The following LRP5 variants were observed in gnomAD, a reference collection of about 807,000 sequenced individuals.
The protein encoded by LRP5 is LDL receptor related protein 5.
Under a neutral mutation model 154.1 loss-of-function variants are expected in LRP5, and 62 were observed. That is an observed-to-expected ratio of 0.40 (90% CI 0.33 to 0.50). LRP5 has a LOEUF of 0.50. LRP5 is among the 20% of genes least tolerant of loss of function. LRP5 has a pLI of 0.55. For synonymous variants in LRP5, 966 were observed against 1,011.5 expected (o/e 0.96, Z 0.85); for missense variants, 1,915 against 2,336.7 (o/e 0.82, Z 3.72).
intron 3 of LRP5, among the ~76,000 whole-genome samples, chr11:68,359,445 T>C (rs1248301231): frequency 6.6e-6 from 1 of 152,182 alleles, no homozygotes; most frequent in East Asian, 1.9e-4. Context: ...AGCTGAGTGA[T>C]CTTACAGTTA....
At chr11:68,445,602 G>A (rs1200168585) in intron 21 of LRP5, 8 of 1,317,322 alleles carry the variant, frequency 6.1e-6, no homozygotes, top group Middle Eastern at 2.1e-4. Context: ...TGCTTTCCAG[G>A]ATGGCCTTGG....
rs1186922049 is a variant in LRP5 at position 68,423,909 on chromosome 11, T to A, written c.3236+212T>A. On this transcript the variant is annotated intron_variant, in intron 14 of 22. Transcript: ENST00000294304. The surrounding 1 kb of genome is among the most constrained non-coding windows in gnomAD (Gnocchi z 4.7). ...AGGGCTGGAAGGGAAGGGGGAGCTC[T>A]GCTGAGAGGTTACAAGGCAGCGCTG... Among the ~76,000 whole-genome samples, 1 of 152,236 alleles carries A rather than the reference T, an allele frequency of 6.6e-6. No individual in the cohort carries two copies. The highest frequency in any genetic ancestry group is 6.5e-5 in the Admixed American group (1 of 15,282).
At chr11:68,304,765 T>C in the LRP5 span, among the ~76,000 whole-genome samples, 3 of 152,266 alleles carry the variant, frequency 2.0e-5, no homozygotes, top group South Asian at 2.1e-4. Context: ...TAAGATTGAA[T>C]GATTGCTCTG....
At chr11:68,403,785 T>G (rs1412050707) in intron 8 of LRP5, 86 bp downstream of exon 8, 3 of 1,542,620 alleles carry the variant, frequency 1.9e-6, no homozygotes, top group Non-Finnish European at 1.8e-6. Flanking sequence ...GGCATAAGTG[T>G]TGAGCTCAGG....
upstream of LRP5, among the ~76,000 whole-genome samples, chr11:68,310,023 G>A (rs1375945888): frequency 6.6e-6 from 1 of 152,186 alleles, no homozygotes; most frequent in East Asian, 1.9e-4. Flanking sequence ...AACACATCAG[G>A]GAATAAAACT....
At chr11:68,315,107 G>A (rs2098592228) in intron 1 of LRP5, among the ~76,000 whole-genome samples, 1 of 152,128 alleles carries the variant, frequency 6.6e-6, no homozygotes, top group Non-Finnish European at 1.5e-5. Flanking sequence ...GGAGGGGTTT[G>A]GGGTCAGACC....
chr11:68,306,526 T>G, the LRP5 span, among the ~76,000 whole-genome samples: 6 of 152,332 alleles, frequency 3.9e-5, no homozygotes, highest in Admixed American at 2.0e-4. Context: ...GATCTCTAAC[T>G]TAATGACACC....
At chr11:68,399,948 G>T (rs150067916) in intron 7 of LRP5, among the ~76,000 whole-genome samples, 2 of 152,366 alleles carry the variant, frequency 1.3e-5, no homozygotes, top group Admixed American at 6.5e-5. Flanking sequence ...GGTGCCCTGG[G>T]ATTCTGCGAT....
At chr11:68,299,101 C>T in the LRP5 span, among the ~76,000 whole-genome samples, 2 of 152,246 alleles carry the variant, frequency 1.3e-5, no homozygotes, top group African/African-American at 4.8e-5. Context: ...CCAGCTGCCC[C>T]TGGTCCCAGA....
In LRP5 at chr11:68,438,583, G is replaced by A; in HGVS notation, c.4249G>A (p.Gly1417Arg). The A allele has an allele frequency of 6.2e-7, 1 of 1,614,042 alleles. No individual in the cohort carries two copies. Among genetic ancestry groups the A allele is most frequent in the Non-Finnish European group, 8.5e-7 (1 of 1,180,000 alleles). ...CQRVVCQRYA[G>R]ANGPFPHEYV... ...GCGCGTGGTGTGCCAGCGCTATGCG[G>A]GGGCCAACGGGCCCTTCCCGCACGA... Residue 1417 changes from glycine to arginine, a missense_variant, in exon 20 of 23, where the codon GGG becomes AGG. Around this residue, in one of 3 missense-constraint regions of LRP5, gnomAD observed 1,094 missense variants for 1,210.1 expected, o/e 0.90. Transcript: ENST00000294304.
intron 12 of LRP5, among the ~76,000 whole-genome samples, chr11:68,415,599 G>C (rs1332902061): frequency 6.8e-6 from 1 of 146,694 alleles, no homozygotes; most frequent in Admixed American, 6.9e-5. Flanking sequence ...TACAAAATTA[G>C]CCGGGCATGG....
At chr11:68,406,859 C>G (rs1358841751) in intron 9 of LRP5, 46 bp downstream of exon 9, 2 of 1,597,822 alleles carry the variant, frequency 1.3e-6, no homozygotes, top group Non-Finnish European at 1.7e-6. Flanking sequence ...TATGGGAAAA[C>G]CTTGCCTCTG....
At chr11:68,362,891 C>G (rs1395239067) in intron 3 of LRP5, among the ~76,000 whole-genome samples, 1 of 151,826 alleles carries the variant, frequency 6.6e-6, no homozygotes, top group Admixed American at 6.6e-5. Context: ...GGACCCTCTG[C>G]CCCCAGGCCC....
intron 1 of LRP5, among the ~76,000 whole-genome samples, chr11:68,341,201 A>G (rs2098608939): frequency 6.6e-6 from 1 of 151,280 alleles, no homozygotes; most frequent in African/African-American, 2.4e-5. Flanking sequence ...TTTTATGTTC[A>G]TGATGCGGCA....
At chr11:68,313,900 A>C (rs2098590884) in intron 1 of LRP5, among the ~76,000 whole-genome samples, 1 of 152,174 alleles carries the variant, frequency 6.6e-6, no homozygotes, top group Non-Finnish European at 1.5e-5. Context: ...CAGATCCCCC[A>C]GGCTGCAGCC....
the LRP5 span, among the ~76,000 whole-genome samples, chr11:68,305,406 C>T: frequency 2.0e-5 from 3 of 151,914 alleles, no homozygotes; most frequent in Admixed American, 2.0e-4. Flanking sequence ...CCAGTTAACC[C>T]CTTTCTTTAT....
At chr11:68,404,094 C>T in intron 8 of LRP5, 2 of 429,516 alleles carry the variant, frequency 4.7e-6, no homozygotes, top group East Asian at 4.4e-5. Context: ...CCTGGGTCTG[C>T]CTGGGCTGGG....
intron 1 of LRP5, among the ~76,000 whole-genome samples, chr11:68,314,366 G>T (rs2098591364): frequency 6.6e-6 from 1 of 152,174 alleles, no homozygotes; most frequent in Non-Finnish European, 1.5e-5. Flanking sequence ...GGCAAAAATA[G>T]AGTTGATTAT....
In LRP5 at chr11:68,363,803, A is replaced by T; in HGVS notation, c.743A>T (p.Asp248Val). The T allele has an allele frequency of 6.2e-7, 1 of 1,612,884 alleles. No individual in the cohort carries two copies. Among genetic ancestry groups the T allele is most frequent in the Non-Finnish European group, 8.5e-7 (1 of 1,179,850 alleles). ...CCCTTCGCCCTGACGCTCTCCGGGG[A>T]CACTCTGTACTGGACAGACTGGCAG... ...THPFALTLSGDTLYWTDWQTR... is the reference protein window; with the variant it reads ...THPFALTLSGVTLYWTDWQTR... Residue 248 changes from aspartate (D) to valine (V), a missense_variant, in exon 4 of 23, where the codon GAC becomes GTC. By Grantham distance (152) the Asp-to-Val change is radical. Around this residue, in one of 3 missense-constraint regions of LRP5, gnomAD observed 773 missense variants for 1,100.9 expected, o/e 0.70. Transcript: ENST00000294304.
Sources: allele counts gnomAD v4.1 joint callset (sites outside exome capture counted in the v4.1 genomes callset), GRCh38; gene constraint gnomAD v4.1.1; regional missense constraint gnomAD v4.1.1; non-coding constraint Gnocchi (gnomAD v3.1); transcripts MANE v1.5; gene names NCBI Gene and HGNC (gene_info 2026-07-23, HGNC 2026-07-21).